AK5: variants seen among roughly 807,000 people sequenced by gnomAD.
The protein encoded by AK5 is adenylate kinase 5.
A neutral mutation model predicts 69.5 loss-of-function variants in AK5; 27 were observed. That is an observed-to-expected ratio of 0.39 (90% confidence interval 0.29 to 0.54). The LOEUF is 0.54. Among genes scored for constraint, AK5 ranks in the 20% least tolerant of loss-of-function variants. The pLI, the probability that AK5 is intolerant of heterozygous loss-of-function variation, is 0.71. For synonymous variants in AK5, 260 were observed against 244.4 expected (o/e 1.06, Z -0.60); for missense variants, 531 against 700.4 (o/e 0.76, Z 2.73).
At chr1:77,481,685 A>G (rs899158913) in intron 8 of AK5, among the ~76,000 whole-genome samples, 4 of 152,262 alleles carry the variant, frequency 2.6e-5, no homozygotes, top group African/African-American at 9.6e-5. Context: ...AGCATAAAGC[A>G]CAAGCCAGAG....
chr1:77,416,092 A>C (rs1182387496), intron 7 of AK5, among the ~76,000 whole-genome samples: 1 of 152,148 alleles, frequency 6.6e-6, no homozygotes, highest in Non-Finnish European at 1.5e-5. Context: ...ACATAAGTGC[A>C]AACTGACCTT....
chr1:77,451,686 G>C (rs375318188), intron 8 of AK5, among the ~76,000 whole-genome samples: 2 of 152,218 alleles, frequency 1.3e-5, no homozygotes, highest in African/African-American at 4.8e-5. Context: ...AGTAACGTCA[G>C]TCTCTCAGGG....
At chr1:77,322,020 G>T (rs769965113) in intron 5 of AK5, among the ~76,000 whole-genome samples, 5 of 152,130 alleles carry the variant, frequency 3.3e-5, no homozygotes, top group Non-Finnish European at 7.4e-5. Flanking sequence ...AACAGGGTGA[G>T]CCGTGTCTAG....
In AK5 at chr1:77,483,345, AGGACACTATGGGAG is replaced by A. The variant is rs1249355852; in HGVS notation, c.1090_1102+1del. 1 of 1,612,518 alleles carries A rather than the reference AGGACACTATGGGAG, an allele frequency of 6.2e-7. No individual in the cohort carries two copies. Among genetic ancestry groups the A allele is most frequent in the African/African-American group, 1.3e-5 (1 of 74,902 alleles). ...GATGACCAGTTAAATGTATTTGGAG[AGGACACTATGGGAG>A]GTGAGTTTTCCTTACTGATCAGATC... is the stretch of plus-strand genomic sequence containing the variant. On this transcript the variant is annotated frameshift_variant and splice_region_variant, in exon 9 of 14. Transcript: ENST00000354567. LOFTEE classifies it high-confidence loss of function.
chr1:77,386,944 A>G (rs1648076192), intron 6 of AK5, among the ~76,000 whole-genome samples: 1 of 151,812 alleles, frequency 6.6e-6, no homozygotes, highest in Admixed American at 6.6e-5. Context: ...AACATGCAAT[A>G]TTTGTCTTTT....
At position 77,293,947 on chromosome 1, in the gene AK5, C is replaced by A. The variant is rs1209936586; in HGVS notation, c.402C>A (p.Ile134=). 1 of 1,611,118 alleles carries A rather than the reference C, an allele frequency of 6.2e-7. No homozygotes were observed. Among genetic ancestry groups the A allele is most frequent in the African/African-American group, 1.3e-5 (1 of 74,748 alleles). Residue 134 remains isoleucine, a synonymous_variant, in exon 3 of 14, where the codon ATC becomes ATA. Transcript: ENST00000354567. ...ATCCTACCAGACCTCGACCAAAAAT[C>A]ATTCTTGTTATAGGTATGAGGACAG... ...VFDPTRPRPK[I]ILVIGGPGSG...
chr1:77,368,244 TA>T (rs373554108), intron 6 of AK5, among the ~76,000 whole-genome samples: 3,474 of 12,550 alleles, frequency 0.28, 463 homozygotes, highest in East Asian at 0.53. Context: ...TATATATATA[TA>T]TATATATAAT....
intron 13 of AK5, chr1:77,557,396 A>T (rs1660158527): frequency 5.3e-6 from 1 of 190,100 alleles, no homozygotes; most frequent in South Asian, 1.2e-4. Flanking sequence ...GATGCATACC[A>T]CCAGCATTTC....
chr1:77,350,402 G>A (rs539933863), intron 6 of AK5, among the ~76,000 whole-genome samples: 2 of 152,326 alleles, frequency 1.3e-5, no homozygotes, highest in East Asian at 1.9e-4. Flanking sequence ...CAGAGGTGCT[G>A]TCATCAAACT....
In AK5 at chr1:77,310,961, G is replaced by A. The variant is rs191125650; in HGVS notation, c.699+13014G>A. 2.0e-3 allele frequency among the ~76,000 whole-genome samples: 307 copies of A among 151,934 alleles called. 1 individual carries two copies. The highest frequency in any genetic ancestry group is 3.5e-3 in the Non-Finnish European group (241 of 67,992). On this transcript the variant is annotated intron_variant, in intron 5 of 13. Transcript: ENST00000354567. ...GTTAGTTTTGTTCCTAAATATAATC[G>A]TTTATAGGTTTGCTACTATTGTGAA...
chr1:77,416,258 A>G (rs1444530752), intron 7 of AK5, among the ~76,000 whole-genome samples: 1 of 152,116 alleles, frequency 6.6e-6, no homozygotes, highest in Non-Finnish European at 1.5e-5. Context: ...TCCCACCTCT[A>G]CCTTCTAATC....
chr1:77,308,257 C>G (rs1378053765), intron 5 of AK5, among the ~76,000 whole-genome samples: 1 of 151,980 alleles, frequency 6.6e-6, no homozygotes, highest in Non-Finnish European at 1.5e-5. Context: ...TGGACTCTCC[C>G]AGTCCCCAGG....
At chr1:77,506,098 G>A (rs1370869159) in intron 10 of AK5, among the ~76,000 whole-genome samples, 1 of 152,106 alleles carries the variant, frequency 6.6e-6, no homozygotes, top group Non-Finnish European at 1.5e-5. Context: ...CAGAACCTGA[G>A]TGAAGTGACT....
intron 6 of AK5, among the ~76,000 whole-genome samples, chr1:77,383,543 T>C (rs1353093498): frequency 6.6e-6 from 1 of 152,182 alleles, no homozygotes; most frequent in Non-Finnish European, 1.5e-5. Context: ...AAATATCTGC[T>C]ACTTATGCTA....
intron 6 of AK5, among the ~76,000 whole-genome samples, chr1:77,349,918 AG>A (rs1384326747): frequency 6.6e-6 from 1 of 152,156 alleles, no homozygotes; most frequent in Non-Finnish European, 1.5e-5. Flanking sequence ...CCATTATGAT[AG>A]TCCTTTTATA....
At chr1:77,548,325 T>C (rs182334391) in intron 13 of AK5, among the ~76,000 whole-genome samples, 1 of 152,278 alleles carries the variant, frequency 6.6e-6, no homozygotes, top group Non-Finnish European at 1.5e-5. Context: ...GTGAACTGGA[T>C]GACCCCCATG....
rs574962437 is a variant in AK5 at position 77,500,842 on chromosome 1, A to G, written c.1147+14490A>G. ...AGGCTGAATTATCCATCGTTGTGAT[A>G]AGTACAGTGAAGTTCGTTTTTTGTT... On this transcript the variant is annotated intron_variant, in intron 10 of 13. Coordinates refer to ENST00000354567, the MANE Select transcript of AK5 (RefSeq NM_174858.3). Among the ~76,000 whole-genome samples the G allele has an allele frequency of 1.3e-4, 19 of 149,852 alleles. No individual in the cohort carries two copies. In the East Asian group the frequency reaches 3.6e-3, roughly 28 times the overall value.
intron 5 of AK5, among the ~76,000 whole-genome samples, chr1:77,306,503 T>G (rs867573231): frequency 4.6e-5 from 7 of 150,748 alleles, no homozygotes; most frequent in South Asian, 2.1e-4. Flanking sequence ...TGTTTTTTTT[T>G]TTTTTTTTGA....
chr1:77,523,337 C>T (rs1658101016), intron 12 of AK5, among the ~76,000 whole-genome samples: 1 of 152,108 alleles, frequency 6.6e-6, no homozygotes, highest in Non-Finnish European at 1.5e-5. Flanking sequence ...AGTGGATTTG[C>T]AGAGCAGAGC....
Sources: allele counts gnomAD v4.1 joint callset (sites outside exome capture counted in the v4.1 genomes callset), GRCh38; gene constraint gnomAD v4.1.1; transcripts MANE v1.5; gene names NCBI Gene and HGNC (gene_info 2026-07-23, HGNC 2026-07-21).